Variants in IFT140 observed in about 807,000 individuals in gnomAD.
IFT140 encodes intraflagellar transport protein 140 homolog.
In IFT140, 133 loss-of-function variants were observed where a neutral mutation model predicts 164.6. The observed-to-expected ratio is 0.81, with a 90% CI of 0.70 to 0.93. The LOEUF (loss-of-function observed/expected upper bound fraction) is 0.93, where lower values mean the gene tolerates loss of function less well. Ranked by LOEUF, IFT140 falls within the 40% of genes least tolerant of loss-of-function variation. The pLI is 0.00. For synonymous variants in IFT140, 860 were observed against 817.3 expected (o/e 1.05, Z -0.89); for missense variants, 2,045 against 1,972.3 (o/e 1.04, Z -0.70).
At chr16:1,591,267 G>A (rs536302748) in intron 6 of IFT140, among the ~76,000 whole-genome samples, 1 of 152,144 alleles carries the variant, frequency 6.6e-6, no homozygotes, top group East Asian at 1.9e-4. Flanking sequence ...TTCCTGGGGG[G>A]CCCCATCCTG....
intron 3 of IFT140, among the ~76,000 whole-genome samples, chr16:1,604,765 G>A (rs758593720): frequency 8.5e-5 from 13 of 152,092 alleles, no homozygotes; most frequent in Non-Finnish European, 1.5e-4. Context: ...CAGCAGACTC[G>A]CCAGAGGTTC....
In IFT140 at chr16:1,558,105, C is replaced by T. The variant is rs770298357; in HGVS notation, c.2229G>A (p.Val743=). The change falls in exon 19 of 31, where the codon GTG becomes GTA. Residue 743 remains valine, a synonymous_variant. Transcript: ENST00000426508. Reference sequence around the variant, plus strand: ...GAGGGATGTGGTGGCACCCAGGCTCCACCTCGTCTTCTCTGTCTGCTTCTT... The same window carrying T: ...GAGGGATGTGGTGGCACCCAGGCTCTACCTCGTCTTCTCTGTCTGCTTCTT... The part of the protein sequence containing the change: ...KPEEADREDE[V]EPGCHHIPQM... 9 of 1,614,036 alleles carry T rather than the reference C, an allele frequency of 5.6e-6. No homozygotes were observed. Among genetic ancestry groups the T allele is most frequent in the Admixed American group, 5.0e-5 (3 of 60,010 alleles).
chr16:1,600,535 T>C (rs1295424833), intron 4 of IFT140, among the ~76,000 whole-genome samples: 1 of 151,700 alleles, frequency 6.6e-6, no homozygotes, highest in Non-Finnish European at 1.5e-5. Flanking sequence ...ATTGTCTAAT[T>C]AGCAAAAGAT....
At chr16:1,538,174 C>CAGGGCGGT (rs1405758681) in intron 19 of IFT140, among the ~76,000 whole-genome samples, 2 of 152,180 alleles carry the variant, frequency 1.3e-5, no homozygotes, top group Non-Finnish European at 2.9e-5. Context: ...TCCTTCCTGG[C>CAGGGCGGT]AGGGCGGTGG....
chr16:1,526,052 T>TTCCTGTACAGCTGCTC lies in IFT140; in HGVS notation c.2587_2602dup (p.Lys868ArgfsTer89). 1 of 1,597,068 alleles carries TTCCTGTACAGCTGCTC rather than the reference T, an allele frequency of 6.3e-7. No homozygotes were observed. The highest frequency in any genetic ancestry group is 8.5e-7 in the Non-Finnish European group (1 of 1,172,192). On this transcript the variant is annotated frameshift_variant, in exon 21 of 31. Coordinates refer to ENST00000426508, the MANE Select transcript of IFT140 (RefSeq NM_014714.4). LOFTEE classifies it high-confidence loss of function. ...GTTCAGGAGGTCGTGGCGCTTGCAC[T>TTCCTGTACAGCTGCTC]TCCTGTACAGCTGCTCGGCGTCCTC...
chr16:1,601,770 G>A (rs2035808438), intron 4 of IFT140, among the ~76,000 whole-genome samples: 1 of 152,250 alleles, frequency 6.6e-6, no homozygotes, highest in Non-Finnish European at 1.5e-5. Context: ...GGACTGAGGA[G>A]ACAGGACATG....
intron 3 of IFT140, among the ~76,000 whole-genome samples, chr16:1,606,829 C>T (rs909005080): frequency 3.3e-5 from 5 of 152,088 alleles, no homozygotes; most frequent in African/African-American, 1.2e-4. Flanking sequence ...ACGCACCACA[C>T]GCACACACAC....
intron 19 of IFT140, among the ~76,000 whole-genome samples, chr16:1,535,704 T>A (rs1185802380): frequency 2.0e-5 from 3 of 152,220 alleles, no homozygotes; most frequent in Non-Finnish European, 2.9e-5. Context: ...GGCATGTGGC[T>A]TGGACAAGGT....
chr16:1,568,775 A>C (rs1413176571), intron 14 of IFT140, among the ~76,000 whole-genome samples: 1 of 152,038 alleles, frequency 6.6e-6, no homozygotes, highest in Non-Finnish European at 1.5e-5. Context: ...ACGAAAAAAA[A>C]CAAAACAACG....
intron 4 of IFT140, among the ~76,000 whole-genome samples, chr16:1,594,655 C>A (rs907362601): frequency 2.6e-5 from 4 of 152,222 alleles, no homozygotes; most frequent in Admixed American, 6.5e-5. Context: ...CCATCACAGT[C>A]GCAACTGCGC....
chr16:1,545,112 G>A (rs532278560), intron 19 of IFT140, among the ~76,000 whole-genome samples: 86 of 152,348 alleles, frequency 5.6e-4, no homozygotes, highest in African/African-American at 1.9e-3. Context: ...ACATGGGGGC[G>A]AGCACCCTGA....
At chr16:1,535,637 C>A (rs2030987819) in intron 19 of IFT140, among the ~76,000 whole-genome samples, 1 of 152,178 alleles carries the variant, frequency 6.6e-6, no homozygotes. Context: ...CGCTCAGAAC[C>A]CTCAGCGGGG....
intron 4 of IFT140, among the ~76,000 whole-genome samples, chr16:1,597,847 C>T (rs1430146747): frequency 6.6e-6 from 1 of 152,156 alleles, no homozygotes; most frequent in Non-Finnish European, 1.5e-5. Context: ...GACTCAAACT[C>T]CTGGGCTCAA....
rs368082114 is a variant in IFT140, at chr16:1,578,603, C to T, written c.1524+2156G>A. 1.8e-3 allele frequency among the ~76,000 whole-genome samples: 278 copies of T among 151,558 alleles called. 1 individual carries two copies. Among genetic ancestry groups the T allele is most frequent in the South Asian group, 0.016 (76 of 4,796 alleles). ...TAAAAAAAAAAAAAAAAGACATGGCCGGGCGTGGTGGCTCACGCCTGTAAT... is the reference window on the plus strand; with the variant it reads ...TAAAAAAAAAAAAAAAAGACATGGCTGGGCGTGGTGGCTCACGCCTGTAAT... On this transcript the variant is annotated intron_variant, in intron 13 of 30. Transcript: ENST00000426508.
intron 9 of IFT140, among the ~76,000 whole-genome samples, chr16:1,586,603 A>C (rs1200540928): frequency 6.7e-6 from 1 of 150,236 alleles, no homozygotes; most frequent in Non-Finnish European, 1.5e-5. Context: ...GGATGTGCAT[A>C]TGCACACATA....
At chr16:1,585,710 T>C (rs983189446) in intron 10 of IFT140, among the ~76,000 whole-genome samples, 3 of 151,956 alleles carry the variant, frequency 2.0e-5, no homozygotes, top group African/African-American at 7.2e-5. Flanking sequence ...TTTCACATAG[T>C]CTTAAGTTGA....
intron 19 of IFT140, chr16:1,534,594 G>C (rs372773972): frequency 6.3e-7 from 1 of 1,595,780 alleles, no homozygotes; most frequent in Admixed American, 1.7e-5. Flanking sequence ...CAGCGTGGCC[G>C]AGGCTCGAGG....
chr16:1,516,585 C>A (rs9932727), intron 30 of IFT140, among the ~76,000 whole-genome samples: 8 of 151,530 alleles, frequency 5.3e-5, no homozygotes, highest in African/African-American at 1.9e-4. Flanking sequence ...CTGGCTAACA[C>A]GGTGAAACCC....
chr16:1,558,705 C>T (rs928683641), intron 18 of IFT140, among the ~76,000 whole-genome samples: 1 of 152,238 alleles, frequency 6.6e-6, no homozygotes, highest in African/African-American at 2.4e-5. Flanking sequence ...TCCCTTCCTC[C>T]GTGGGGCAGG....
Sources: allele counts gnomAD v4.1 joint callset (sites outside exome capture counted in the v4.1 genomes callset), GRCh38; gene constraint gnomAD v4.1.1; transcripts MANE v1.5; gene names NCBI Gene and HGNC (gene_info 2026-07-23, HGNC 2026-07-21).